ARHGAP17: variants seen among roughly 807,000 people sequenced by gnomAD.
The protein encoded by ARHGAP17 is Rho GTPase activating protein 17, also known as rho GTPase-activating protein 17.
Under a neutral mutation model 99.5 loss-of-function variants are expected in ARHGAP17, and 57 were observed. The observed-to-expected ratio is 0.57, with a 90% CI of 0.46 to 0.71. The LOEUF (loss-of-function observed/expected upper bound fraction) is 0.71, where lower values mean the gene tolerates loss of function less well. ARHGAP17 is among the 30% of genes least tolerant of loss of function. The pLI is 0.00. For missense variants in ARHGAP17, 1,000 were observed against 1,122.4 expected (o/e 0.89, Z 1.56); for synonymous variants, 417 against 429.6 (o/e 0.97, Z 0.36).
At chr16:24,962,146 TAC>T (rs137990574) in intron 7 of ARHGAP17, among the ~76,000 whole-genome samples, 7 of 148,966 alleles carry the variant, frequency 4.7e-5, no homozygotes, top group Admixed American at 6.7e-5. Flanking sequence ...AACCCCACCA[TAC>T]ACACACACAC....
intron 7 of ARHGAP17, among the ~76,000 whole-genome samples, chr16:24,962,600 T>C (rs550304099): frequency 6.6e-6 from 1 of 152,312 alleles, no homozygotes; most frequent in African/African-American, 2.4e-5. Context: ...GAAGTCTCAT[T>C]CCCAATCCCT....
intron 14 of ARHGAP17, among the ~76,000 whole-genome samples, chr16:24,946,481 T>C (rs1005803499): frequency 9.9e-5 from 15 of 151,298 alleles, no homozygotes; most frequent in African/African-American, 3.4e-4. Flanking sequence ...GCCTGAATTA[T>C]GTTTCTTTAC....
chr16:24,929,490 C>A (rs1054623169), intron 19 of ARHGAP17: 13 of 625,818 alleles, frequency 2.1e-5, no homozygotes, highest in African/African-American at 4.0e-5. Context: ...GCTGTCAGGG[C>A]ACACGGTCAA....
At chr16:24,927,730 C>T (rs2050878539) in intron 19 of ARHGAP17, 3 of 1,186,686 alleles carry the variant, frequency 2.5e-6, no homozygotes, top group Non-Finnish European at 3.3e-6. Flanking sequence ...GCAGGTCATA[C>T]ATCTAAATTA....
intron 1 of ARHGAP17, among the ~76,000 whole-genome samples, chr16:24,990,643 T>TGAGAC (rs1284090045): frequency 1.3e-5 from 2 of 151,800 alleles, no homozygotes; most frequent in African/African-American, 4.8e-5. Flanking sequence ...GGCAACAGAG[T>TGAGAC]GAGACCATGT....
intron 1 of ARHGAP17, among the ~76,000 whole-genome samples, chr16:24,990,291 C>T (rs1471436814): frequency 6.6e-6 from 1 of 152,172 alleles, no homozygotes; most frequent in South Asian, 2.1e-4. Context: ...TCAAGACCAG[C>T]CTGGGCAAGA....
chr16:24,952,436 A>G (rs2051672194), intron 11 of ARHGAP17, 66 bp from the exon 12 acceptor site: 1 of 1,287,598 alleles, frequency 7.8e-7, no homozygotes, highest in Non-Finnish European at 1.1e-6. Flanking sequence ...GGGACATATT[A>G]TTTTGCAAAT....
intron 3 of ARHGAP17, among the ~76,000 whole-genome samples, chr16:24,973,526 A>C (rs1160142785): frequency 6.6e-6 from 1 of 152,214 alleles, no homozygotes; most frequent in Non-Finnish European, 1.5e-5. Flanking sequence ...CTAAAGCATT[A>C]GGTTTCAGAA....
rs112747931 is a variant in ARHGAP17, at chr16:24,950,862, A to G, written c.1047-1378T>C. ...AAAAAAAAAAAAAAAAAAAAAAGAA[A>G]AAAGCTCAAATGCAAAACCTGGTTA... On this transcript the variant is annotated intron_variant, in intron 12 of 19. Transcript: ENST00000289968. 1.0e-3 allele frequency among the ~76,000 whole-genome samples: 159 copies of G among 151,896 alleles called. 4 individuals are homozygous for G. Among genetic ancestry groups the G allele is most frequent in the African/African-American group, 3.6e-3 (150 of 41,402 alleles).
At position 24,977,309 on chromosome 16, in the gene ARHGAP17, C is replaced by A. The variant is rs754194639; in HGVS notation, c.104G>T (p.Arg35Leu). Residue 35 changes from arginine (R) to leucine (L), a missense_variant, in exon 3 of 20, where the codon CGC (arginine) becomes CTC (leucine). This residue lies in a region of ARHGAP17 where 472 missense variants were observed against 611.1 expected (regional missense o/e 0.77). Coordinates refer to ENST00000289968, the MANE Select transcript of ARHGAP17 (RefSeq NM_001006634.3). ...LSEDLLQIER[R>L]LDTVRSICHH... ...GCATATTGACCGCACCGTGTCCAGG[C>A]GTCTCTCAATCTGACAAGGCAGAGA... The A allele has an allele frequency of 2.5e-6, 4 of 1,583,810 alleles. No homozygotes were observed.
At chr16:25,009,550 A>G (rs2053591274) in intron 1 of ARHGAP17, among the ~76,000 whole-genome samples, 1 of 152,200 alleles carries the variant, frequency 6.6e-6, no homozygotes, top group Admixed American at 6.5e-5. Flanking sequence ...TCAATTCGGC[A>G]GCAGGGGACT....
chr16:24,930,832 C>G lies in ARHGAP17; in HGVS notation c.2467G>C (p.Asp823His), dbSNP rs901287667. The G allele has an allele frequency of 1.9e-6, 3 of 1,614,042 alleles. No individual in the cohort carries two copies. In the Admixed American group the frequency reaches 5.0e-5, roughly 27 times the overall value. Residue 823 changes from aspartate to histidine, a missense_variant, in exon 19 of 20, where the codon GAC becomes CAC. Physicochemically the swap from Asp to His is moderately conservative, Grantham distance 81. Coordinates refer to ENST00000289968, the MANE Select transcript of ARHGAP17 (RefSeq NM_001006634.3). ...GGTGCTGTGTTGGTGAGGCTGCTGTCCCCAGCTGAGTGGACACCAGGAGGT... is the reference window on the plus strand; with the variant it reads ...GGTGCTGTGTTGGTGAGGCTGCTGTGCCCAGCTGAGTGGACACCAGGAGGT... ...PQPPGVHSAG[D>H]SSLTNTAPTA...
chr16:24,993,299 T>C (rs985903481), intron 1 of ARHGAP17, among the ~76,000 whole-genome samples: 2 of 152,164 alleles, frequency 1.3e-5, no homozygotes, highest in South Asian at 2.1e-4. Context: ...TTAAAAGTAA[T>C]GGGCAGCCGG....
intron 1 of ARHGAP17, among the ~76,000 whole-genome samples, chr16:25,005,183 T>C (rs929001225): frequency 2.6e-5 from 4 of 152,250 alleles, no homozygotes; most frequent in African/African-American, 9.6e-5. Flanking sequence ...CCCAAAGTGC[T>C]GGGATTACAG....
At chr16:24,970,630 C>A in intron 3 of ARHGAP17, 50 bp from the exon 4 acceptor site, 2 of 1,492,914 alleles carry the variant, frequency 1.3e-6, no homozygotes, top group Non-Finnish European at 1.9e-6. Context: ...GATACCCATT[C>A]TCAATGATCT....
chr16:24,972,742 C>G (rs1220050686), intron 3 of ARHGAP17: 1 of 152,168 alleles, frequency 6.6e-6, no homozygotes, highest in Non-Finnish European at 1.5e-5. Context: ...AAGCATCACT[C>G]AAGATGGCAG....
At chr16:24,970,763 G>A (rs1046732987) in intron 3 of ARHGAP17, among the ~76,000 whole-genome samples, 183 bp from the exon 4 acceptor site, 6 of 152,170 alleles carry the variant, frequency 3.9e-5, no homozygotes, top group Admixed American at 2.6e-4. Flanking sequence ...GTTTCAGTTT[G>A]GGGCTATCTG....
At chr16:24,934,482 C>T (rs1002758144) in intron 18 of ARHGAP17, among the ~76,000 whole-genome samples, 2 of 151,760 alleles carry the variant, frequency 1.3e-5, no homozygotes, top group Non-Finnish European at 2.9e-5. Context: ...GAGATGGGGT[C>T]TCACTCTGTT....
chr16:24,978,485 A>G (rs2052581197), intron 2 of ARHGAP17, among the ~76,000 whole-genome samples: 1 of 152,242 alleles, frequency 6.6e-6, no homozygotes, highest in Non-Finnish European at 1.5e-5. Flanking sequence ...AAAAAAAGGC[A>G]GAAGAACACA....
Sources: gnomAD v4.1 joint callset for allele counts (sites outside exome capture counted in the v4.1 genomes callset) on GRCh38, gnomAD v4.1.1 for gene constraint, gnomAD v4.1.1 regional missense constraint, MANE v1.5 for transcripts, NCBI Gene and HGNC (gene_info 2026-07-23, HGNC 2026-07-21) for gene names.